Variants in TFDP2 observed in about 807,000 individuals in gnomAD.
TFDP2 encodes the protein transcription factor Dp-2, also known as transcription factor Dp-2 (E2F dimerization partner 2).
TFDP2 carries 17 observed loss-of-function variants against 59.3 expected under a neutral mutation model. That is an observed-to-expected ratio of 0.29 (90% CI 0.20 to 0.43). TFDP2 has a LOEUF of 0.43. TFDP2 is among the 20% of genes least tolerant of loss of function. The probability of loss-of-function intolerance (pLI) is 1.00; values close to 1 mark genes in which losing one functional copy is unlikely to be tolerated. For synonymous variants in TFDP2, 180 were observed against 194.7 expected, an observed-to-expected ratio of 0.92 and a Z score of 0.63; for missense variants, 391 against 528.8, an observed-to-expected ratio of 0.74 and a Z score of 2.56.
At chr3:142,137,256 G>A (rs1035866030) in intron 1 of TFDP2, among the ~76,000 whole-genome samples, 2 of 152,154 alleles carry the variant, frequency 1.3e-5, no homozygotes, top group African/African-American at 4.8e-5. Context: ...TGCTGAAGTT[G>A]CTTATCAGCT....
chr3:142,040,269 CT>C (rs1946896804), intron 3 of TFDP2, among the ~76,000 whole-genome samples: 1 of 152,160 alleles, frequency 6.6e-6, no homozygotes, highest in Admixed American at 6.5e-5. Context: ...GGAAGAAAAT[CT>C]TTTCCCTTTT....
chr3:142,023,056 G>C (rs1945747266), intron 3 of TFDP2, among the ~76,000 whole-genome samples: 1 of 138,574 alleles, frequency 7.2e-6, no homozygotes. Flanking sequence ...GGAGGCGGAG[G>C]TTGCAGTAAG....
intron 3 of TFDP2, among the ~76,000 whole-genome samples, chr3:142,007,017 C>T (rs969949545): frequency 6.6e-6 from 1 of 152,088 alleles, no homozygotes. Flanking sequence ...CTTGGGTAAT[C>T]GCCTGCCTCA....
At chr3:142,077,317 G>A (rs867908799) in intron 3 of TFDP2, among the ~76,000 whole-genome samples, 2 of 152,090 alleles carry the variant, frequency 1.3e-5, no homozygotes, top group East Asian at 1.9e-4. Context: ...AGTGGACATC[G>A]GGGGCACACA....
chr3:142,089,952 A>G (rs1288782858), intron 3 of TFDP2, among the ~76,000 whole-genome samples: 1 of 152,190 alleles, frequency 6.6e-6, no homozygotes, highest in Non-Finnish European at 1.5e-5. Context: ...AAAAGTTTCT[A>G]TAATATCATT....
intron 1 of TFDP2, among the ~76,000 whole-genome samples, chr3:142,113,946 C>G (rs1444201101): frequency 6.6e-6 from 1 of 152,038 alleles, no homozygotes; most frequent in African/African-American, 2.4e-5. Context: ...GGGCGGATCA[C>G]GAGGTCAGGA....
intron 6 of TFDP2, among the ~76,000 whole-genome samples, chr3:141,991,458 A>G (rs1942751982): frequency 6.6e-6 from 1 of 152,086 alleles, no homozygotes; most frequent in Non-Finnish European, 1.5e-5. Flanking sequence ...ATTAGCAAAA[A>G]AGTAAAAAAT....
chr3:142,092,222 G>A (rs967059912), intron 3 of TFDP2, among the ~76,000 whole-genome samples: 11 of 152,136 alleles, frequency 7.2e-5, no homozygotes, highest in Admixed American at 2.0e-4. Flanking sequence ...AATTTCATCC[G>A]TAGACATTTC....
At chr3:142,022,904 G>A (rs144507949) in intron 3 of TFDP2, among the ~76,000 whole-genome samples, 180 of 151,992 alleles carry the variant, frequency 1.2e-3, no homozygotes, top group African/African-American at 4.0e-3. Flanking sequence ...GGTGGATTAC[G>A]AAGTCAGGAG....
intron 1 of TFDP2, among the ~76,000 whole-genome samples, chr3:142,141,652 G>A (rs528169031): frequency 3.0e-4 from 46 of 152,078 alleles, no homozygotes; most frequent in Admixed American, 2.6e-3. Context: ...GCAAAACCCT[G>A]TCTCTATTAA....
intron 3 of TFDP2, among the ~76,000 whole-genome samples, chr3:142,064,443 C>T (rs956717002): frequency 5.3e-5 from 8 of 152,122 alleles, no homozygotes; most frequent in African/African-American, 2.4e-5. Flanking sequence ...TATTCCCAAC[C>T]TCCAAGCATA....
chr3:141,978,859 AATAAAGT>A (rs1941105522), intron 6 of TFDP2, among the ~76,000 whole-genome samples, 177 bp from the exon 7 acceptor site: 1 of 152,204 alleles, frequency 6.6e-6, no homozygotes, highest in African/African-American at 2.4e-5. Context: ...TTAAAGGTCT[AATAAAGT>A]ATAAAGTTAG....
chr3:142,029,942 T>G (rs1299405704), intron 3 of TFDP2, among the ~76,000 whole-genome samples: 1 of 152,220 alleles, frequency 6.6e-6, no homozygotes, highest in Non-Finnish European at 1.5e-5. Context: ...ACTAAGGTAC[T>G]TTTCCTTCGT....
At position 142,100,242 on chromosome 3, in the gene TFDP2, T is replaced by C. The variant is rs141524613; in HGVS notation, c.15+1493A>G. On this transcript the variant is annotated intron_variant, in intron 2 of 12. Coordinates refer to ENST00000489671, the MANE Select transcript of TFDP2 (RefSeq NM_001178139.2). ...TGCTGGACCCTCAGCAGCCATTTCA[T>C]GCAACAACACTTGCTTCTCCTGGTC... is the stretch of plus-strand genomic sequence containing the variant. Among the ~76,000 whole-genome samples, 127 of 152,360 alleles carry C rather than the reference T, an allele frequency of 8.3e-4. No homozygotes were observed. The Middle Eastern group carries it at 0.024, about 29-fold the overall frequency.
chr3:141,972,752 G>T (rs1245311481), intron 8 of TFDP2, among the ~76,000 whole-genome samples: 1 of 152,038 alleles, frequency 6.6e-6, no homozygotes, highest in African/African-American at 2.4e-5. Context: ...CTTCTCCCCG[G>T]TGAGAATGAC....
At chr3:142,134,568 C>G (rs780868997) in intron 1 of TFDP2, among the ~76,000 whole-genome samples, 8 of 151,934 alleles carry the variant, frequency 5.3e-5, no homozygotes, top group Non-Finnish European at 1.0e-4. Context: ...ATTACTCTAC[C>G]CTTGCATTAA....
At chr3:142,019,327 G>A (rs1945410552) in intron 3 of TFDP2, among the ~76,000 whole-genome samples, 1 of 152,166 alleles carries the variant, frequency 6.6e-6, no homozygotes, top group African/African-American at 2.4e-5. Context: ...GCCTCCCAAA[G>A]TGCTGGGATT....
At chr3:142,120,557 T>G (rs1487184282) in intron 1 of TFDP2, among the ~76,000 whole-genome samples, 1 of 152,154 alleles carries the variant, frequency 6.6e-6, no homozygotes, top group Non-Finnish European at 1.5e-5. Flanking sequence ...TAAAAAATAT[T>G]TTATTAGTAA....
chr3:142,080,000 G>A (rs2060581560), intron 3 of TFDP2, among the ~76,000 whole-genome samples: 1 of 152,190 alleles, frequency 6.6e-6, no homozygotes, highest in African/African-American at 2.4e-5. Flanking sequence ...GTCTTGCTCT[G>A]TCACCCAGGC....
Sources: gnomAD v4.1 joint callset for allele counts (sites outside exome capture counted in the v4.1 genomes callset) on GRCh38, gnomAD v4.1.1 for gene constraint, MANE v1.5 for transcripts, NCBI Gene and HGNC (gene_info 2026-07-23, HGNC 2026-07-21) for gene names.